C18orf63: variants seen among roughly 807,000 people sequenced by gnomAD.
The protein encoded by C18orf63 is uncharacterized protein C18orf63.
A neutral mutation model predicts 75.3 loss-of-function variants in C18orf63; 50 were observed. That is an observed-to-expected ratio of 0.66 (90% CI 0.53 to 0.84). C18orf63 has a LOEUF of 0.84. C18orf63 is among the 40% of genes least tolerant of loss of function. C18orf63 has a pLI of 0.00. For missense variants in C18orf63, 732 were observed against 800.2 expected, an observed-to-expected ratio of 0.91 and a Z score of 1.03; for synonymous variants, 232 against 267.6, an observed-to-expected ratio of 0.87 and a Z score of 1.30.
chr18:74,353,914 G>T lies in C18orf63; in HGVS notation c.1647G>T (p.Val549=). 6.5e-7 allele frequency: 1 copy of T among 1,535,634 alleles called. No homozygotes were observed. Residue 549 remains valine (V), a synonymous_variant, in exon 12 of 14, where the codon GTG becomes GTT. Coordinates refer to ENST00000579455, the MANE Select transcript of C18orf63 (RefSeq NM_001174123.2). The stretch of plus-strand genomic sequence containing the variant: ...AACTATCTAATAGTGCAGTATTTGT[G>T]GTGTCAAATAACAATTTAGGGGTGG... ...NKQLSNSAVF[V]VSNNNLGVVK...
intron 7 of C18orf63, among the ~76,000 whole-genome samples, chr18:74,335,494 T>A (rs1984376607): frequency 6.6e-6 from 1 of 152,138 alleles, no homozygotes. Flanking sequence ...AATGCTTTCC[T>A]GGAAGTAATT....
chr18:74,328,223 C>T (rs1984241934), intron 5 of C18orf63, among the ~76,000 whole-genome samples, 165 bp downstream of exon 5: 1 of 152,164 alleles, frequency 6.6e-6, no homozygotes, highest in Admixed American at 6.5e-5. Context: ...AGAGGCCTCA[C>T]AATCATGGCG....
intron 11 of C18orf63, among the ~76,000 whole-genome samples, chr18:74,345,180 AT>A (rs919973977): frequency 6.6e-6 from 1 of 151,270 alleles, no homozygotes; most frequent in Non-Finnish European, 1.5e-5. Context: ...GGCCATTTGG[AT>A]TTTTTTTGAA....
intron 1 of C18orf63, 36 bp from the exon 2 acceptor site, chr18:74,317,798 T>A (rs1984051055): frequency 7.7e-7 from 1 of 1,306,372 alleles, no homozygotes; most frequent in Non-Finnish European, 1.0e-6. Context: ...ATTGGTAAGA[T>A]AATTTACTAC....
intron 6 of C18orf63, 60 bp downstream of exon 6, chr18:74,329,096 A>G: frequency 9.1e-7 from 1 of 1,094,296 alleles, no homozygotes; most frequent in Admixed American, 2.0e-5. Context: ...GCTAAAGAAA[A>G]CAGTATCATA....
In C18orf63 at chr18:74,358,070, A is replaced by G. The variant is rs1294754882; in HGVS notation, c.*1623A>G. 1 of 152,206 alleles carries G rather than the reference A, an allele frequency of 6.6e-6. No individual in the cohort carries two copies. The highest frequency in any genetic ancestry group is 2.1e-4 in the South Asian group (1 of 4,834). The allele number at this position is 152,206 out of a possible 1,614,324, so 9.4% of individuals were successfully genotyped here. ...ACCTTCCTGCTACTGCCCAGTCACT[A>G]TGCCTCAGGTAATGGACACTTACTT... On this transcript the variant is annotated 3_prime_UTR_variant, in exon 14 of 14. Transcript: ENST00000579455.
At chr18:74,331,149 A>G (rs1984298539) in intron 7 of C18orf63, among the ~76,000 whole-genome samples, 2 of 152,166 alleles carry the variant, frequency 1.3e-5, no homozygotes. Context: ...CTGTCCATTT[A>G]ACACAGGTCT....
At chr18:74,355,781 C>T (rs7229308) in intron 13 of C18orf63, among the ~76,000 whole-genome samples, 77,433 of 152,014 alleles carry the variant, frequency 0.51, 20,368 homozygotes, top group Middle Eastern at 0.59. Flanking sequence ...ATTAGCTGGA[C>T]GTGCTACTCA....
At chr18:74,323,932 G>T (rs1984165948) in intron 4 of C18orf63, among the ~76,000 whole-genome samples, 1 of 152,154 alleles carries the variant, frequency 6.6e-6, no homozygotes, top group Non-Finnish European at 1.5e-5. Context: ...GTAAGTGTGG[G>T]TATGTGTGTG....
At chr18:74,331,096 A>C in intron 7 of C18orf63, among the ~76,000 whole-genome samples, 154 bp downstream of exon 7, 1 of 152,162 alleles carries the variant, frequency 6.6e-6, no homozygotes, top group East Asian at 1.9e-4. Flanking sequence ...TGCTTGATAT[A>C]TTTATGTCAT....
At chr18:74,344,816 ATAT>A (rs1178942988) in intron 11 of C18orf63, among the ~76,000 whole-genome samples, 1 of 152,078 alleles carries the variant, frequency 6.6e-6, no homozygotes, top group East Asian at 1.9e-4. Context: ...TTTATTCAGA[ATAT>A]TATTGATGAA....
In C18orf63 at chr18:74,343,560, T is replaced by G; in HGVS notation, c.836T>G (p.Phe279Cys). Reference sequence around the variant, plus strand: ...ATCAGAAGTCAGCCCATGCAGTTCTTTCCAAGGGTAGATTCGGAAGTTGTG... The same window carrying G: ...ATCAGAAGTCAGCCCATGCAGTTCTGTCCAAGGGTAGATTCGGAAGTTGTG... ...SCIRSQPMQF[F>C]PRVDSEVVLK... Residue 279 changes from phenylalanine (F) to cysteine (C), a missense_variant, in exon 11 of 14, where the codon TTT becomes TGT. Around this residue, in one of 3 missense-constraint regions of C18orf63, gnomAD observed 495 missense variants for 508.7 expected, o/e 0.97. Coordinates refer to ENST00000579455, the MANE Select transcript of C18orf63 (RefSeq NM_001174123.2). 1 of 1,534,850 alleles carries G rather than the reference T, an allele frequency of 6.5e-7. No homozygotes were observed. Among genetic ancestry groups the G allele is most frequent in the Non-Finnish European group, 8.7e-7 (1 of 1,145,998 alleles).
chr18:74,327,639 G>A (rs778016513), intron 4 of C18orf63, among the ~76,000 whole-genome samples: 3 of 152,182 alleles, frequency 2.0e-5, no homozygotes, highest in Admixed American at 6.5e-5. Context: ...TCTTTGTGGA[G>A]CAGAATACAA....
intron 11 of C18orf63, among the ~76,000 whole-genome samples, chr18:74,350,196 A>G (rs2145131500): frequency 6.6e-6 from 1 of 152,174 alleles, no homozygotes; most frequent in South Asian, 2.1e-4. Flanking sequence ...GTTACTTTTT[A>G]GCTTTACCCT....
intron 1 of C18orf63, among the ~76,000 whole-genome samples, chr18:74,316,487 A>AGCG (rs1362333347): frequency 6.6e-6 from 1 of 152,138 alleles, no homozygotes; most frequent in East Asian, 1.9e-4. Context: ...GGTCCCTCGT[A>AGCG]GCGGCGGTCC....
In C18orf63 at chr18:74,320,605, T is replaced by C. The variant is rs1166314043; in HGVS notation, c.213+14T>C. On this transcript the variant is annotated intron_variant, in intron 3 of 13. Transcript: ENST00000579455. ...GTGGTGATGGCGGTTAGTATTTTAA[T>C]ATTTTGTGAAATGTTATTACTAGTT... is the stretch of plus-strand genomic sequence containing the variant. The C allele has an allele frequency of 1.1e-5, 16 of 1,477,090 alleles. No homozygotes were observed. Among genetic ancestry groups the C allele is most frequent in the Non-Finnish European group, 1.5e-5 (16 of 1,094,690 alleles). The allele number at this position is 1,477,090 out of a possible 1,614,324, so 91.5% of individuals were successfully genotyped here.
Position 74,342,316 on chromosome 18 carries a change from A to G in C18orf63, c.784A>G (p.Arg262Gly). The stretch of plus-strand genomic sequence containing the variant: ...CATCTATTTCAAAATGCTCGGAGAA[A>G]GGACCTTCACATATCCTTTACACAC... Reference protein sequence around the residue: ...CNIYFKMLGERTFTYPLSCIR... With the variant: ...CNIYFKMLGEGTFTYPLSCIR... The change falls in exon 10 of 14, where the codon AGG becomes GGG. Residue 262 changes from arginine to glycine, a missense_variant. Coordinates refer to ENST00000579455, the MANE Select transcript of C18orf63 (RefSeq NM_001174123.2). 1 of 1,525,564 alleles carries G rather than the reference A, an allele frequency of 6.6e-7. No individual in the cohort carries two copies. The highest frequency in any genetic ancestry group is 8.8e-7 in the Non-Finnish European group (1 of 1,138,798). The allele number at this position is 1,525,564 out of a possible 1,614,324, so 94.5% of individuals were successfully genotyped here. A position where few individuals can be genotyped will look rare whatever the true frequency, so the allele number is the denominator to read the frequency against.
At chr18:74,323,047 G>A (rs1050298904) in intron 4 of C18orf63, among the ~76,000 whole-genome samples, 19 of 152,132 alleles carry the variant, frequency 1.2e-4, no homozygotes, top group African/African-American at 4.1e-4. Flanking sequence ...TAAACCCAGA[G>A]TTGGGATTAT....
chr18:74,342,712 T>G (rs577956375), intron 10 of C18orf63, among the ~76,000 whole-genome samples: 60 of 152,300 alleles, frequency 3.9e-4, no homozygotes, highest in African/African-American at 1.3e-3. Context: ...GATTTTTCTT[T>G]TGAGGAGATT....
Sources: allele counts gnomAD v4.1 joint callset (sites outside exome capture counted in the v4.1 genomes callset), GRCh38; gene constraint gnomAD v4.1.1; regional missense constraint gnomAD v4.1.1; transcripts MANE v1.5; gene names NCBI Gene and HGNC (gene_info 2026-07-23, HGNC 2026-07-21).